The following FAM135B variants were observed in gnomAD, a reference collection of about 807,000 sequenced individuals.
The protein encoded by FAM135B is family with sequence similarity 135 member B, also known as protein FAM135B.
In FAM135B, 43 loss-of-function variants were observed where a neutral mutation model predicts 127.7. That is an observed-to-expected ratio of 0.34 (90% CI 0.26 to 0.43). FAM135B has a LOEUF of 0.43. FAM135B is among the 20% of genes least tolerant of loss of function. The pLI, the probability that FAM135B is intolerant of heterozygous loss-of-function variation, is 1.00. For synonymous variants in FAM135B, 670 were observed against 665.1 expected (o/e 1.01, Z -0.11); for missense variants, 1,558 against 1,725.6 (o/e 0.90, Z 1.72).
At chr8:138,361,164 G>A (rs1383157666) in intron 2 of FAM135B, among the ~76,000 whole-genome samples, 1 of 152,054 alleles carries the variant, frequency 6.6e-6, no homozygotes, top group East Asian at 1.9e-4. Flanking sequence ...CTGACCTCAG[G>A]CAATCCACCC....
chr8:138,225,826 G>A (rs1819384675), intron 7 of FAM135B, among the ~76,000 whole-genome samples: 1 of 152,170 alleles, frequency 6.6e-6, no homozygotes, highest in African/African-American at 2.4e-5. Context: ...GTGAAGTTCT[G>A]AGCTTTCAAC....
At chr8:138,385,201 C>T (rs745561488) in intron 1 of FAM135B, among the ~76,000 whole-genome samples, 1 of 152,202 alleles carries the variant, frequency 6.6e-6, no homozygotes, top group East Asian at 1.9e-4. Context: ...CTGATCTCTG[C>T]TCCATTGTCA....
At chr8:138,325,997 A>T (rs1405820845) in intron 2 of FAM135B, among the ~76,000 whole-genome samples, 1 of 152,182 alleles carries the variant, frequency 6.6e-6, no homozygotes, top group Non-Finnish European at 1.5e-5. Context: ...CTGTACTCCT[A>T]GAAGGAGACC....
chr8:138,218,728 T>C (rs1468954576), intron 7 of FAM135B, among the ~76,000 whole-genome samples: 1 of 150,976 alleles, frequency 6.6e-6, no homozygotes, highest in East Asian at 2.0e-4. Context: ...CCCTGTTCAA[T>C]GCCCTGCTCC....
At chr8:138,362,927 A>G (rs1427330610) in intron 2 of FAM135B, among the ~76,000 whole-genome samples, 1 of 152,212 alleles carries the variant, frequency 6.6e-6, no homozygotes, top group Admixed American at 6.5e-5. Context: ...AGATGACCAA[A>G]TAAAGCATGT....
chr8:138,405,391 G>A (rs1234061042), intron 1 of FAM135B, among the ~76,000 whole-genome samples: 1 of 127,442 alleles, frequency 7.8e-6, no homozygotes, highest in Non-Finnish European at 1.6e-5. Flanking sequence ...AGTCCCCAGA[G>A]TGTGATGTTC....
At chr8:138,400,478 C>A (rs1240695278) in intron 1 of FAM135B, among the ~76,000 whole-genome samples, 1 of 152,076 alleles carries the variant, frequency 6.6e-6, no homozygotes, top group Non-Finnish European at 1.5e-5. Context: ...CCCAGTCTCA[C>A]CCTCCACCCA....
intron 3 of FAM135B, among the ~76,000 whole-genome samples, chr8:138,266,206 G>C (rs1421818204): frequency 6.6e-6 from 1 of 152,110 alleles, no homozygotes; most frequent in African/African-American, 2.4e-5. Flanking sequence ...ATGAGGAGAA[G>C]AACGGGGAGT....
At chr8:138,256,873 T>C in intron 4 of FAM135B, 114 bp from the exon 5 acceptor site, 1 of 768,136 alleles carries the variant, frequency 1.3e-6, no homozygotes, top group Non-Finnish European at 2.2e-6. Flanking sequence ...AAAATCAATG[T>C]CATTTATGCT....
intron 1 of FAM135B, chr8:138,439,090 A>G (rs553064130): frequency 6.6e-6 from 1 of 152,262 alleles, no homozygotes; most frequent in African/African-American, 2.4e-5. Flanking sequence ...ATTAACTTTC[A>G]TGGAAATTGG....
At chr8:138,476,578 T>C (rs1814459467) in intron 1 of FAM135B, among the ~76,000 whole-genome samples, 1 of 152,074 alleles carries the variant, frequency 6.6e-6, no homozygotes, top group South Asian at 2.1e-4. Flanking sequence ...GCCTTTCATC[T>C]AGCCATATGA....
rs538154301 is a variant in FAM135B at position 138,318,286 on chromosome 8, G to A, written c.78-7366C>T. On this transcript the variant is annotated intron_variant, in intron 2 of 19. Coordinates refer to ENST00000395297, the MANE Select transcript of FAM135B (RefSeq NM_015912.4). The stretch of plus-strand genomic sequence containing the variant: ...ATTTCATGAAGAAGGAAAGGGACAT[G>A]AATCCCATCAGCACCGCCACCAACT... Among the ~76,000 whole-genome samples, 35 of 152,296 alleles carry A rather than the reference G, an allele frequency of 2.3e-4. No individual in the cohort carries two copies. The South Asian group carries it at 4.6e-3, about 20-fold the overall frequency.
chr8:138,275,366 C>A (rs918347758), intron 3 of FAM135B, among the ~76,000 whole-genome samples: 1 of 152,122 alleles, frequency 6.6e-6, no homozygotes, highest in Admixed American at 6.5e-5. Flanking sequence ...CTCTTACCAC[C>A]TATTTGTCTA....
At chr8:138,284,737 A>T (rs563581506) in intron 3 of FAM135B, among the ~76,000 whole-genome samples, 1 of 152,056 alleles carries the variant, frequency 6.6e-6, no homozygotes, top group South Asian at 2.1e-4. Context: ...AGTCTTCCCT[A>T]ATCTCCTTAA....
intron 1 of FAM135B, among the ~76,000 whole-genome samples, chr8:138,416,458 T>C (rs978256958): frequency 1.3e-5 from 2 of 152,186 alleles, no homozygotes; most frequent in South Asian, 2.1e-4. Context: ...TATAATAATA[T>C]GCATAATCAT....
intron 2 of FAM135B, among the ~76,000 whole-genome samples, chr8:138,355,798 C>G (rs1232349072): frequency 6.6e-6 from 1 of 152,154 alleles, no homozygotes; most frequent in East Asian, 1.9e-4. Context: ...AAAGACATCA[C>G]AACATTTGAA....
chr8:138,155,375 A>T (rs1377256135), intron 12 of FAM135B, among the ~76,000 whole-genome samples: 1 of 152,238 alleles, frequency 6.6e-6, no homozygotes, highest in Non-Finnish European at 1.5e-5. Flanking sequence ...TGCTGGGAAG[A>T]AGCTGCATCA....
intron 3 of FAM135B, among the ~76,000 whole-genome samples, chr8:138,294,068 A>C (rs1042635349): frequency 6.6e-6 from 1 of 152,204 alleles, no homozygotes; most frequent in African/African-American, 2.4e-5. Context: ...ACTCAGCCAT[A>C]AAAAGAATAA....
intron 2 of FAM135B, among the ~76,000 whole-genome samples, chr8:138,329,374 T>C (rs1469194115): frequency 6.6e-6 from 1 of 152,226 alleles, no homozygotes; most frequent in Non-Finnish European, 1.5e-5. Context: ...CCTGTGTCTC[T>C]TAATTGCTTT....
Sources: allele counts gnomAD v4.1 joint callset (sites outside exome capture counted in the v4.1 genomes callset), GRCh38; gene constraint gnomAD v4.1.1; transcripts MANE v1.5; gene names NCBI Gene and HGNC (gene_info 2026-07-23, HGNC 2026-07-21).